The following LHFPL3 variants were observed in gnomAD, a reference collection of about 807,000 sequenced individuals.
The protein encoded by LHFPL3 is LHFPL tetraspan subfamily member 3, also known as LHFPL tetraspan subfamily member 3 protein.
Under a neutral mutation model 19.3 loss-of-function variants are expected in LHFPL3, and 5 were observed. The ratio of observed to expected loss-of-function variants is 0.26; its 90% CI spans 0.14 to 0.54. The LOEUF (loss-of-function observed/expected upper bound fraction) is 0.54. Among genes scored for constraint, LHFPL3 ranks in the 20% least tolerant of loss-of-function variants. LHFPL3 has a pLI of 0.94. For missense variants in LHFPL3, 249 were observed against 307.4 expected (o/e 0.81, Z 1.42); for synonymous variants, 133 against 126.2 (o/e 1.05, Z -0.36).
chr7:104,589,226 C>G (rs1327480671), intron 1 of LHFPL3, among the ~76,000 whole-genome samples: 2 of 152,124 alleles, frequency 1.3e-5, no homozygotes, highest in African/African-American at 4.8e-5. Flanking sequence ...TTTGCCCATT[C>G]AGTATGATAT....
chr7:104,852,974 A>G (rs1791439860), intron 2 of LHFPL3, among the ~76,000 whole-genome samples: 1 of 151,914 alleles, frequency 6.6e-6, no homozygotes, highest in Admixed American at 6.6e-5. Context: ...AACCACTGCC[A>G]CCGTCTGCCC....
At chr7:104,599,491 G>T (rs1790924117) in intron 1 of LHFPL3, among the ~76,000 whole-genome samples, 1 of 152,174 alleles carries the variant, frequency 6.6e-6, no homozygotes, top group African/African-American at 2.4e-5. Flanking sequence ...CTGTTTATGG[G>T]TAGAGCAGTA....
At chr7:104,482,232 T>C (rs1014462980) in intron 1 of LHFPL3, among the ~76,000 whole-genome samples, 1 of 152,200 alleles carries the variant, frequency 6.6e-6, no homozygotes, top group Non-Finnish European at 1.5e-5. Context: ...CTTCCTCTGC[T>C]GTTACCCACT....
At chr7:104,839,743 A>G (rs1293422688) in intron 2 of LHFPL3, among the ~76,000 whole-genome samples, 1 of 152,192 alleles carries the variant, frequency 6.6e-6, no homozygotes, top group Non-Finnish European at 1.5e-5. Flanking sequence ...CACCTGTAAC[A>G]CTTGCTTGTG....
rs1369382171 is a variant in LHFPL3 at position 104,904,190 on chromosome 7, T to A, written c.683-1997T>A. On this transcript the variant is annotated intron_variant, in intron 2 of 2. Coordinates refer to ENST00000424859, the MANE Select transcript of LHFPL3 (RefSeq NM_199000.3). Reference sequence around the variant, plus strand: ...CTGGGTATATTAAAGTAACCGTGAGTTCTCTTGCTGAGAGAAGTTCATTAA... The same window carrying A: ...CTGGGTATATTAAAGTAACCGTGAGATCTCTTGCTGAGAGAAGTTCATTAA... Among the ~76,000 whole-genome samples the A allele has an allele frequency of 4.0e-5, 6 of 151,810 alleles. No homozygotes were observed. The South Asian group carries it at 1.0e-3, about 26-fold the overall frequency.
At chr7:104,627,736 C>T (rs1562953474) in intron 1 of LHFPL3, among the ~76,000 whole-genome samples, 1 of 152,070 alleles carries the variant, frequency 6.6e-6, no homozygotes, top group Non-Finnish European at 1.5e-5. Flanking sequence ...GGTTCAGCAC[C>T]GGGGACAGTT....
At chr7:104,660,882 G>T (rs1792213543) in intron 1 of LHFPL3, among the ~76,000 whole-genome samples, 1 of 152,146 alleles carries the variant, frequency 6.6e-6, no homozygotes, top group African/African-American at 2.4e-5. Flanking sequence ...CTCTTTTCAG[G>T]ACACTAGACC....
At chr7:104,893,633 A>T (rs954875174) in intron 2 of LHFPL3, among the ~76,000 whole-genome samples, 14 of 152,206 alleles carry the variant, frequency 9.2e-5, no homozygotes, top group Admixed American at 7.2e-4. Context: ...TAGTACATTC[A>T]GAGCATTTAC....
At chr7:104,660,149 G>A (rs191980791) in intron 1 of LHFPL3, among the ~76,000 whole-genome samples, 10 of 152,078 alleles carry the variant, frequency 6.6e-5, no homozygotes, top group East Asian at 1.9e-4. Flanking sequence ...CTACAGGTGC[G>A]TGCCACCACA....
At chr7:104,864,258 AAGTGGGTGCAGGAC>A in intron 2 of LHFPL3, among the ~76,000 whole-genome samples, 1 of 152,276 alleles carries the variant, frequency 6.6e-6, no homozygotes, top group South Asian at 2.1e-4. Context: ...GAGTGTTGGA[AAGTGGGTGCAGGAC>A]AGTGGGTGCA....
chr7:104,353,668 A>G (rs1317980553), intron 1 of LHFPL3, among the ~76,000 whole-genome samples: 2 of 152,224 alleles, frequency 1.3e-5, no homozygotes, highest in Non-Finnish European at 2.9e-5. Flanking sequence ...TAGGGCGGGA[A>G]GATTGTGCTT....
chr7:104,860,817 T>C (rs368619554), intron 2 of LHFPL3, among the ~76,000 whole-genome samples: 6 of 152,368 alleles, frequency 3.9e-5, no homozygotes, highest in East Asian at 3.9e-4. Context: ...AAATAAAATA[T>C]TTAAGCTTAT....
chr7:104,780,331 C>A (rs931943507), intron 2 of LHFPL3, among the ~76,000 whole-genome samples: 3 of 152,204 alleles, frequency 2.0e-5, no homozygotes, highest in African/African-American at 7.2e-5. Flanking sequence ...CTTTGGTAAG[C>A]ATATCCCCGT....
chr7:104,856,802 G>A (rs2116626687), intron 2 of LHFPL3, among the ~76,000 whole-genome samples: 1 of 152,250 alleles, frequency 6.6e-6, no homozygotes, highest in Non-Finnish European at 1.5e-5. Context: ...TGGGTACTGT[G>A]TATTATAGTA....
At chr7:104,365,136 C>G (rs1046867378) in intron 1 of LHFPL3, among the ~76,000 whole-genome samples, 5 of 151,940 alleles carry the variant, frequency 3.3e-5, no homozygotes, top group African/African-American at 9.7e-5. Context: ...CTTGTCTCTA[C>G]TAAAAATACA....
intron 2 of LHFPL3, among the ~76,000 whole-genome samples, chr7:104,846,059 G>C (rs918589968): frequency 6.6e-5 from 10 of 152,208 alleles, no homozygotes; most frequent in African/African-American, 1.9e-4. Context: ...GAAGGAAAAA[G>C]AATAATGGGT....
chr7:104,767,624 T>C (rs914519505), intron 2 of LHFPL3, among the ~76,000 whole-genome samples: 1 of 152,318 alleles, frequency 6.6e-6, no homozygotes. Flanking sequence ...TCCTTGAGCC[T>C]CTCAAAGTAC....
At position 104,525,607 on chromosome 7, in the gene LHFPL3, T is replaced by G. The variant is rs1041555725; in HGVS notation, c.445+196383T>G. Among the ~76,000 whole-genome samples the G allele has an allele frequency of 6.8e-5, 6 of 88,320 alleles. No individual in the cohort carries two copies. In the South Asian group the frequency reaches 1.9e-3, roughly 28 times the overall value. 57.9% of individuals were successfully genotyped at this position (88,320 alleles called of 152,430 possible). On this transcript the variant is annotated intron_variant, in intron 1 of 2. Transcript: ENST00000424859. ...CTTCTTGGTTTTTTTGTTTTTTGGG[T>G]TTTTTTTTTTTTTTTTTGAGATGGA...
chr7:104,341,485 A>G (rs2116366773), intron 1 of LHFPL3, among the ~76,000 whole-genome samples: 1 of 152,320 alleles, frequency 6.6e-6, no homozygotes, highest in African/African-American at 2.4e-5. Context: ...TATTCATCCA[A>G]ATTCCTTTTG....
Sources: gnomAD v4.1 joint callset for allele counts (sites outside exome capture counted in the v4.1 genomes callset) on GRCh38, gnomAD v4.1.1 for gene constraint, MANE v1.5 for transcripts, NCBI Gene and HGNC (gene_info 2026-07-23, HGNC 2026-07-21) for gene names.